The following APCDD1 variants were observed in gnomAD, a reference collection of about 807,000 sequenced individuals.
APCDD1 encodes the protein APC down-regulated 1.
In APCDD1, 15 loss-of-function variants were observed where a neutral mutation model predicts 38.1. The observed-to-expected ratio is 0.39, with a 90% confidence interval of 0.26 to 0.61. The LOEUF is 0.61. Among genes scored for constraint, APCDD1 ranks in the 20% least tolerant of loss-of-function variants. The pLI is 0.49. For missense variants in APCDD1, 647 were observed against 696.2 expected (o/e 0.93, Z 0.79); for synonymous variants, 261 against 279.7 (o/e 0.93, Z 0.67).
Position 10,464,343 on chromosome 18 carries a change from CAG to C in APCDD1, c.59-4124_59-4123del, listed in dbSNP as rs1491067395. Among the ~76,000 whole-genome samples, 249 of 149,514 alleles carry C rather than the reference CAG, an allele frequency of 1.7e-3. 1 individual carries two copies. The highest frequency in any genetic ancestry group is 5.8e-3 in the African/African-American group (230 of 39,330). ...ACACACACACACACACACACACACA[CAG>C]ACACACACACACAAAAACATCTTTG... On this transcript the variant is annotated intron_variant, in intron 1 of 4. Coordinates refer to ENST00000355285, the MANE Select transcript of APCDD1 (RefSeq NM_153000.5).
At chr18:10,483,608 G>C (rs1403021651) in intron 3 of APCDD1, among the ~76,000 whole-genome samples, 2 of 152,232 alleles carry the variant, frequency 1.3e-5, no homozygotes, top group African/African-American at 2.4e-5. Context: ...AGTGAGGGCT[G>C]TAAACCCAAA....
Position 10,476,690 on chromosome 18 carries a change from C to T in APCDD1, c.774+4629C>T, listed in dbSNP as rs1055066163. On this transcript the variant is annotated intron_variant, in intron 3 of 4. Transcript: ENST00000355285. This position sits in a 1 kb window ranked among gnomAD's most constrained non-coding sequence, Gnocchi z 5.8. Reference sequence around the variant, plus strand: ...CTGATTTAACCACAGGATCGTAAATCAAAGGGGCTGTCTGAAAACCAGACA... The same window carrying T: ...CTGATTTAACCACAGGATCGTAAATTAAAGGGGCTGTCTGAAAACCAGACA... 1 of 152,170 alleles carries T rather than the reference C, an allele frequency of 6.6e-6. No homozygotes were observed. Among genetic ancestry groups the T allele is most frequent in the Non-Finnish European group, 1.5e-5 (1 of 68,026 alleles). The allele number at this position is 152,170 out of a possible 1,614,324, so 9.4% of individuals were successfully genotyped here.
intron 1 of APCDD1, among the ~76,000 whole-genome samples, chr18:10,463,723 T>C (rs1386071167): frequency 6.6e-6 from 1 of 152,250 alleles, no homozygotes; most frequent in Admixed American, 6.5e-5. Context: ...CAGTTTCTCC[T>C]GCCTTACTGC....
In APCDD1 at chr18:10,472,967, G is replaced by C. The variant is rs766740338; in HGVS notation, c.774+906G>C. Among the ~76,000 whole-genome samples, 1 of 152,064 alleles carries C rather than the reference G, an allele frequency of 6.6e-6. No homozygotes were observed. The highest frequency in any genetic ancestry group is 2.4e-5 in the African/African-American group (1 of 41,398). On this transcript the variant is annotated intron_variant, in intron 3 of 4. Transcript: ENST00000355285. The surrounding 1 kb of genome is among the most constrained non-coding windows in gnomAD (Gnocchi z 6.6). ...GTGCGTAGTGTGAACGTGCAGACCC[G>C]GGCCTGCTGCGGGTGGGCGGTGGGC... is the stretch of plus-strand genomic sequence containing the variant.
rs529163507 is a variant in APCDD1 at position 10,487,759 on chromosome 18, C to T, written c.1266C>T (p.Tyr422=). The T allele has an allele frequency of 3.9e-5, 63 of 1,614,148 alleles. No homozygotes were observed. Among genetic ancestry groups the T allele is most frequent in the South Asian group, 3.8e-4 (35 of 91,084 alleles). The change falls in exon 5 of 5, where the codon TAC becomes TAT. Residue 422 remains tyrosine, a synonymous_variant. Transcript: ENST00000355285. ...GCATCAAACTACCTCACACGGAGTACGAGATCTTCAAAATGGAACAGGATG... is the reference window on the plus strand; with the variant it reads ...GCATCAAACTACCTCACACGGAGTATGAGATCTTCAAAATGGAACAGGATG... ...ALGIKLPHTE[Y]EIFKMEQDAR...
chr18:10,463,591 T>A (rs1009031904), intron 1 of APCDD1, among the ~76,000 whole-genome samples: 4 of 152,184 alleles, frequency 2.6e-5, no homozygotes, highest in Non-Finnish European at 5.9e-5. Flanking sequence ...TCAAATGACT[T>A]TTTAATTCCC....
At chr18:10,456,865 G>T (rs980769588) in intron 1 of APCDD1, among the ~76,000 whole-genome samples, 19 of 152,218 alleles carry the variant, frequency 1.2e-4, no homozygotes, top group Admixed American at 6.5e-4. Flanking sequence ...TTGGGAGGGG[G>T]ATTGGGGAGC....
chr18:10,465,137 A>G (rs1160412417), intron 1 of APCDD1, among the ~76,000 whole-genome samples: 1 of 152,206 alleles, frequency 6.6e-6, no homozygotes, highest in Non-Finnish European at 1.5e-5. Flanking sequence ...TAGTGACTGC[A>G]AGATACCCAT....
chr18:10,474,966 G>T (rs1302251351), intron 3 of APCDD1, among the ~76,000 whole-genome samples: 1 of 152,230 alleles, frequency 6.6e-6, no homozygotes, highest in South Asian at 2.1e-4. Context: ...AATCCTGGAA[G>T]CCAGTTCTGC....
At chr18:10,481,037 C>G (rs1182950110) in intron 3 of APCDD1, among the ~76,000 whole-genome samples, 3 of 152,148 alleles carry the variant, frequency 2.0e-5, no homozygotes, top group Non-Finnish European at 4.4e-5. Context: ...ACAAAACGAT[C>G]AAAACTAGAA....
In APCDD1 at chr18:10,487,670, G is replaced by C. The variant is rs1361536724; in HGVS notation, c.1177G>C (p.Glu393Gln). The C allele has an allele frequency of 3.1e-6, 5 of 1,614,158 alleles. No individual in the cohort carries two copies. The highest frequency in any genetic ancestry group is 4.2e-6 in the Non-Finnish European group (5 of 1,180,034). ...NVFNGNECGA[E>Q]GSWQVGIQQD... Reference sequence around the variant, plus strand: ...CTTCAACGGGAATGAGTGCGGGGCCGAGGGCTCCTGGCAGGTGGGCATCCA... The same window carrying C: ...CTTCAACGGGAATGAGTGCGGGGCCCAGGGCTCCTGGCAGGTGGGCATCCA... The change falls in exon 5 of 5, where the codon GAG becomes CAG. Residue 393 changes from glutamate to glutamine, a missense_variant. By Grantham distance (29) the Glu-to-Gln change is conservative. Coordinates refer to ENST00000355285, the MANE Select transcript of APCDD1 (RefSeq NM_153000.5).
Position 10,471,100 on chromosome 18 carries a change from C to A in APCDD1, c.243-430C>A, listed in dbSNP as rs1018943967. ...TTTTTGAACTAGCGTAAGGGAACTT[C>A]TTTTATAGGCCAGCACAGCACTCAT... On this transcript the variant is annotated intron_variant, in intron 2 of 4. Transcript: ENST00000355285. This position sits in a 1 kb window ranked among gnomAD's most constrained non-coding sequence, Gnocchi z 5.5. Among the ~76,000 whole-genome samples the A allele has an allele frequency of 4.6e-5, 7 of 152,200 alleles. No individual in the cohort carries two copies. Among genetic ancestry groups the A allele is most frequent in the Admixed American group, 3.9e-4 (6 of 15,284 alleles).
At chr18:10,459,316 G>GCGCA (rs1555643899) in intron 1 of APCDD1, among the ~76,000 whole-genome samples, 1 of 150,146 alleles carries the variant, frequency 6.7e-6, no homozygotes, top group Non-Finnish European at 1.5e-5. Context: ...CCACAAGCGT[G>GCGCA]CACACACACA....
chr18:10,482,763 C>A (rs1348154105), intron 3 of APCDD1, among the ~76,000 whole-genome samples: 1 of 152,210 alleles, frequency 6.6e-6, no homozygotes, highest in Non-Finnish European at 1.5e-5. Flanking sequence ...GAGCCCTGGG[C>A]TGGGCACACT....
At chr18:10,486,122 C>T (rs2031245842) in intron 4 of APCDD1, among the ~76,000 whole-genome samples, 1 of 152,174 alleles carries the variant, frequency 6.6e-6, no homozygotes, top group African/African-American at 2.4e-5. Flanking sequence ...GAAACCAAGG[C>T]AGGAGGATCT....
Position 10,484,071 on chromosome 18 carries a change from A to G in APCDD1, c.775-1391A>G, listed in dbSNP as rs759933459. Among the ~76,000 whole-genome samples, 92 of 152,198 alleles carry G rather than the reference A, an allele frequency of 6.0e-4. 1 individual carries two copies. The highest frequency in any genetic ancestry group is 1.9e-4 in the African/African-American group (8 of 41,446). ...GCCTTTCTGTGCCACAAACCTAGACAGCCCTTGTTCCCTGCTGTGTCCGTG... is the reference window on the plus strand; with the variant it reads ...GCCTTTCTGTGCCACAAACCTAGACGGCCCTTGTTCCCTGCTGTGTCCGTG... On this transcript the variant is annotated intron_variant, in intron 3 of 4. Transcript: ENST00000355285.
In APCDD1 at chr18:10,485,042, C is replaced by G. The variant is rs1289140587; in HGVS notation, c.775-420C>G. The stretch of plus-strand genomic sequence containing the variant: ...CTTACTGTTTTCCATAGTGGCTGGA[C>G]CATTGTATATTCTCATCAGCTGTGT... On this transcript the variant is annotated intron_variant, in intron 3 of 4. Transcript: ENST00000355285. The surrounding 1 kb of genome is among the most constrained non-coding windows in gnomAD (Gnocchi z 5.8). Among the ~76,000 whole-genome samples the G allele has an allele frequency of 6.6e-6, 1 of 151,890 alleles. No homozygotes were observed. Among genetic ancestry groups the G allele is most frequent in the African/African-American group, 2.4e-5 (1 of 41,318 alleles).
intron 4 of APCDD1, among the ~76,000 whole-genome samples, chr18:10,486,891 G>A (rs147606283): frequency 1.8e-3 from 278 of 152,274 alleles, no homozygotes; most frequent in Non-Finnish European, 2.4e-3. Flanking sequence ...GGGTAGCAAG[G>A]TTTGCTCCAG....
chr18:10,460,830 A>T (rs1465275715), intron 1 of APCDD1, among the ~76,000 whole-genome samples: 1 of 152,108 alleles, frequency 6.6e-6, no homozygotes, highest in Non-Finnish European at 1.5e-5. Context: ...TAGGAATGAG[A>T]TCTGCTGTGG....
Sources: gnomAD v4.1 joint callset for allele counts (sites outside exome capture counted in the v4.1 genomes callset) on GRCh38, gnomAD v4.1.1 for gene constraint, Gnocchi (gnomAD v3.1) non-coding constraint, MANE v1.5 for transcripts, NCBI Gene and HGNC (gene_info 2026-07-23, HGNC 2026-07-21) for gene names.